TPRG1: variants seen among roughly 807,000 people sequenced by gnomAD.
The protein encoded by TPRG1 is tumor protein p63 regulated 1.
A neutral mutation model predicts 29.3 loss-of-function variants in TPRG1; 29 were observed. That is an observed-to-expected ratio of 0.99 (90% CI 0.74 to 1.35). The LOEUF is 1.35. Among genes scored for constraint, TPRG1 ranks in the 40% most tolerant of loss-of-function variants. The pLI, the probability that TPRG1 is intolerant of heterozygous loss-of-function variation, is 0.00. For missense variants in TPRG1, 327 were observed against 335.0 expected (o/e 0.98, Z 0.19); for synonymous variants, 130 against 116.8 (o/e 1.11, Z -0.73).
intron 4 of TPRG1, among the ~76,000 whole-genome samples, chr3:189,250,512 C>T (rs1350242415): frequency 3.3e-5 from 3 of 90,646 alleles, no homozygotes; most frequent in Non-Finnish European, 4.3e-5. Context: ...CCGCCCCCCC[C>T]CCCCCACCCA....
At chr3:189,115,143 G>T (rs76920426) in intron 1 of TPRG1, among the ~76,000 whole-genome samples, 2,818 of 152,288 alleles carry the variant, frequency 0.019, 99 homozygotes, top group African/African-American at 0.061. Context: ...GTTCAATTCA[G>T]GGGGTGGAGC....
chr3:189,078,182 G>C (rs1261156023), intron 4 of TPRG1, among the ~76,000 whole-genome samples: 1 of 142,472 alleles, frequency 7.0e-6, no homozygotes, highest in African/African-American at 2.7e-5. Flanking sequence ...TTGTCATCTA[G>C]GCTGGAATGC....
chr3:189,074,048 C>A (rs1716967653), intron 4 of TPRG1, among the ~76,000 whole-genome samples: 1 of 151,986 alleles, frequency 6.6e-6, no homozygotes, highest in South Asian at 2.1e-4. Context: ...CATCAAATAA[C>A]GGTTGTTAGT....
intron 5 of TPRG1, among the ~76,000 whole-genome samples, chr3:189,162,154 G>A (rs1019484976): frequency 6.6e-6 from 1 of 152,068 alleles, no homozygotes; most frequent in African/African-American, 2.4e-5. Flanking sequence ...CACCATGCCT[G>A]GCTAATTTTT....
At chr3:189,108,424 G>T (rs1720077146) in intron 1 of TPRG1, among the ~76,000 whole-genome samples, 1 of 151,674 alleles carries the variant, frequency 6.6e-6, no homozygotes, top group African/African-American at 2.4e-5. Context: ...CATGACAGAG[G>T]ATGAAAAAAG....
chr3:189,315,053 G>A (rs1036019379), intron 5 of TPRG1, among the ~76,000 whole-genome samples: 3 of 152,158 alleles, frequency 2.0e-5, no homozygotes, highest in Non-Finnish European at 4.4e-5. Context: ...GGCTAAGGCA[G>A]GAGGACTGCT....
At chr3:189,281,862 C>A (rs750867146) in intron 4 of TPRG1, among the ~76,000 whole-genome samples, 10 of 151,982 alleles carry the variant, frequency 6.6e-5, no homozygotes, top group Non-Finnish European at 1.5e-4. Context: ...TGAAAGACAC[C>A]CACAAGAGGA....
At chr3:189,089,436 C>A (rs1718193368) in intron 4 of TPRG1, among the ~76,000 whole-genome samples, 1 of 152,170 alleles carries the variant, frequency 6.6e-6, no homozygotes, top group Non-Finnish European at 1.5e-5. Context: ...TTAACATTTT[C>A]AAAATCTGTT....
chr3:189,249,800 C>G (rs1741885993), intron 4 of TPRG1, among the ~76,000 whole-genome samples: 1 of 151,878 alleles, frequency 6.6e-6, no homozygotes, highest in East Asian at 1.9e-4. Context: ...TGTAAACTTC[C>G]CATTTACAAG....
At chr3:189,130,164 T>C (rs1412304954) in intron 2 of TPRG1, among the ~76,000 whole-genome samples, 1 of 152,210 alleles carries the variant, frequency 6.6e-6, no homozygotes, top group African/African-American at 2.4e-5. Flanking sequence ...TCTTGGCACA[T>C]ACATCATGTG....
At chr3:189,285,442 A>G (rs560988117) in intron 4 of TPRG1, among the ~76,000 whole-genome samples, 157 of 152,306 alleles carry the variant, frequency 1.0e-3, no homozygotes, top group African/African-American at 2.5e-3. Context: ...GACTTGTTCC[A>G]TAGAATCACA....
chr3:189,032,695 C>T (rs1713998671), intron 4 of TPRG1, among the ~76,000 whole-genome samples: 1 of 150,998 alleles, frequency 6.6e-6, no homozygotes, highest in African/African-American at 2.4e-5. Flanking sequence ...GTGCTGCACC[C>T]GTTAACTCGT....
chr3:189,209,126 G>C (rs1049600316), intron 2 of TPRG1, among the ~76,000 whole-genome samples: 1 of 152,196 alleles, frequency 6.6e-6, no homozygotes, highest in Admixed American at 6.5e-5. Flanking sequence ...AGAAGCTAGT[G>C]CTTTCATTAC....
At chr3:189,157,769 C>T (rs2108619537) in intron 5 of TPRG1, among the ~76,000 whole-genome samples, 1 of 152,290 alleles carries the variant, frequency 6.6e-6, no homozygotes, top group Non-Finnish European at 1.5e-5. Flanking sequence ...CCTCCCTGTC[C>T]TCCTTCCTAA....
intron 4 of TPRG1, among the ~76,000 whole-genome samples, chr3:189,257,938 T>G (rs897025356): frequency 6.6e-6 from 1 of 152,212 alleles, no homozygotes; most frequent in Non-Finnish European, 1.5e-5. Context: ...TTGCATTGGG[T>G]TAGAACATGC....
chr3:189,155,208 G>A (rs202008845), intron 5 of TPRG1, among the ~76,000 whole-genome samples: 1 of 152,176 alleles, frequency 6.6e-6, no homozygotes, highest in African/African-American at 2.4e-5. Flanking sequence ...TTGAGGAAGG[G>A]ATTGACATTA....
intron 4 of TPRG1, among the ~76,000 whole-genome samples, chr3:189,285,039 A>G (rs916208178): frequency 6.6e-6 from 1 of 152,210 alleles, no homozygotes; most frequent in Non-Finnish European, 1.5e-5. Context: ...CAATCTACTC[A>G]TCTGACAAAG....
chr3:189,248,465 T>G (rs1741681606), intron 4 of TPRG1, among the ~76,000 whole-genome samples: 1 of 151,584 alleles, frequency 6.6e-6, no homozygotes, highest in African/African-American at 2.4e-5. Flanking sequence ...TTCATTATTT[T>G]CTACATTTAT....
At chr3:189,199,453 A>G in intron 1 of TPRG1, among the ~76,000 whole-genome samples, 1 of 152,246 alleles carries the variant, frequency 6.6e-6, no homozygotes, top group East Asian at 1.9e-4. Context: ...AAAGCTTCAG[A>G]AGAAATCCAG....
Sources: allele counts gnomAD v4.1 joint callset (sites outside exome capture counted in the v4.1 genomes callset), GRCh38; gene constraint gnomAD v4.1.1; transcripts MANE v1.5; gene names NCBI Gene and HGNC (gene_info 2026-07-23, HGNC 2026-07-21).